Variants in APCDD1 observed in about 807,000 individuals in gnomAD.
The protein encoded by APCDD1 is APC down-regulated 1.
A neutral mutation model predicts 38.1 loss-of-function variants in APCDD1; 15 were observed. That is an observed-to-expected ratio of 0.39 (90% CI 0.26 to 0.61). The LOEUF is 0.61. Among genes scored for constraint, APCDD1 ranks in the 20% least tolerant of loss-of-function variants. The pLI, the probability that APCDD1 is intolerant of heterozygous loss-of-function variation, is 0.49. For synonymous variants in APCDD1, 261 were observed against 279.7 expected (o/e 0.93, Z 0.67); for missense variants, 647 against 696.2 (o/e 0.93, Z 0.79).
chr18:10,481,210 C>A (rs2031129119), intron 3 of APCDD1, among the ~76,000 whole-genome samples: 1 of 152,150 alleles, frequency 6.6e-6, no homozygotes, highest in African/African-American at 2.4e-5. Context: ...TGGGTACATA[C>A]CCAAAAGAAT....
At chr18:10,458,595 G>A (rs1191055835) in intron 1 of APCDD1, among the ~76,000 whole-genome samples, 1 of 152,156 alleles carries the variant, frequency 6.6e-6, no homozygotes, top group Non-Finnish European at 1.5e-5. Context: ...AGATTGACAA[G>A]CCAATTTCAT....
At position 10,487,790 on chromosome 18, in the gene APCDD1, G is replaced by A; in HGVS notation, c.1297G>A (p.Gly433Arg). 1 of 1,614,094 alleles carries A rather than the reference G, an allele frequency of 6.2e-7. No homozygotes were observed. The highest frequency in any genetic ancestry group is 8.5e-7 in the Non-Finnish European group (1 of 1,180,030). ...CTTCAAAATGGAACAGGATGCCCGG[G>A]GGCGCTATCTGCTGTTCAACGGTCA... ...EIFKMEQDAR[G>R]RYLLFNGQRP... Residue 433 changes from glycine to arginine, a missense_variant, in exon 5 of 5, where the codon GGG (glycine) becomes AGG (arginine). Physicochemically the swap from Gly to Arg is moderately radical, Grantham distance 125. Transcript: ENST00000355285.
Position 10,454,651 on chromosome 18 carries a change from T to TGCGGTG in APCDD1, c.-320_-315dup, listed in dbSNP as rs1379231113. ...TGGAAATATGAAGAGACGCTGCAGC[T>TGCGGTG]GCGGTGGCGGTGGCGGCCACTGCAG... On this transcript the variant is annotated 5_prime_UTR_variant, in exon 1 of 5. Coordinates refer to ENST00000355285, the MANE Select transcript of APCDD1 (RefSeq NM_153000.5). 1.9e-6 allele frequency: 2 copies of TGCGGTG among 1,038,880 alleles called. No homozygotes were observed. The highest frequency in any genetic ancestry group is 5.5e-5 in the Admixed American group (1 of 18,198). 64.4% of individuals were successfully genotyped at this position (1,038,880 alleles called of 1,614,324 possible).
At position 10,471,759 on chromosome 18, in the gene APCDD1, G is replaced by T. The variant is rs1388859867; in HGVS notation, c.472G>T (p.Ala158Ser). The stretch of plus-strand genomic sequence containing the variant: ...CGTCCAGGTGATCTGCCACACAGAG[G>T]CGGTGGCCGAGAAGCTCGGCCAGCA... ...HNVQVICHTE[A>S]VAEKLGQQVN... Residue 158 changes from alanine (A) to serine (S), a missense_variant, in exon 3 of 5, where the codon GCG becomes TCG. Ala to Ser is a moderately conservative substitution (Grantham distance 99). Coordinates refer to ENST00000355285, the MANE Select transcript of APCDD1 (RefSeq NM_153000.5). The surrounding 1 kb of genome is among the most constrained non-coding windows in gnomAD (Gnocchi z 5.5). 1 of 1,613,254 alleles carries T rather than the reference G, an allele frequency of 6.2e-7. No homozygotes were observed. Among genetic ancestry groups the T allele is most frequent in the South Asian group, 1.1e-5 (1 of 91,070 alleles).
chr18:10,463,789 G>C (rs2030631287), intron 1 of APCDD1, among the ~76,000 whole-genome samples: 1 of 152,092 alleles, frequency 6.6e-6, no homozygotes, highest in Non-Finnish European at 1.5e-5. Context: ...GAAGATGTTG[G>C]GTACTTTGAA....
At chr18:10,461,144 T>G (rs1217112052) in intron 1 of APCDD1, among the ~76,000 whole-genome samples, 1 of 152,184 alleles carries the variant, frequency 6.6e-6, no homozygotes, top group Non-Finnish European at 1.5e-5. Context: ...AATGTATTCC[T>G]TGGGAGTAAA....
intron 3 of APCDD1, among the ~76,000 whole-genome samples, chr18:10,484,334 A>G (rs1441765754): frequency 6.6e-6 from 1 of 152,212 alleles, no homozygotes; most frequent in Non-Finnish European, 1.5e-5. Context: ...CGTTTCCTAC[A>G]CAACTCCATT....
At chr18:10,473,839 T>G (rs1481836769) in intron 3 of APCDD1, among the ~76,000 whole-genome samples, 1 of 152,060 alleles carries the variant, frequency 6.6e-6, no homozygotes, top group Non-Finnish European at 1.5e-5. Flanking sequence ...ACTGGCCAGG[T>G]CCACTTGGTT....
At chr18:10,477,104 T>C (rs1310693979) in intron 3 of APCDD1, 1 of 152,304 alleles carries the variant, frequency 6.6e-6, no homozygotes, top group Non-Finnish European at 1.5e-5. Flanking sequence ...CTCTGGGGTA[T>C]AGAAGGAGCC....
rs2030977742 is a variant in APCDD1, at chr18:10,475,792, G to GT, written c.774+3731_774+3732insT. ...AGCCTAGCTGCCTCGCAAGATGGCT[G>GT]AGGGGGGGGGGGGTCAGTGGAAGGC... On this transcript the variant is annotated intron_variant, in intron 3 of 4. Transcript: ENST00000355285. This position sits in a 1 kb window ranked among gnomAD's most constrained non-coding sequence, Gnocchi z 4.0. The GT allele has an allele frequency of 2.5e-5, 3 of 118,256 alleles. No homozygotes were observed. The highest frequency in any genetic ancestry group is 7.9e-5 in the Admixed American group (1 of 12,636). The allele number at this position is 118,256 out of a possible 1,614,324, so 7.3% of individuals were successfully genotyped here.
In APCDD1 at chr18:10,455,008, C is replaced by G; in HGVS notation, c.27C>G (p.Leu9=). ...TGTCCTGGCCGCGCCGCCTCCTGCT[C>G]AGATACCTGTTCCCGGCCCTCCTGC... MSWPRRLL[L]RYLFPALLLH... The change falls in exon 1 of 5, where the codon CTC becomes CTG. Residue 9 remains leucine, a synonymous_variant. Coordinates refer to ENST00000355285, the MANE Select transcript of APCDD1 (RefSeq NM_153000.5). 1 of 1,564,064 alleles carries G rather than the reference C, an allele frequency of 6.4e-7. No homozygotes were observed. Among genetic ancestry groups the G allele is most frequent in the Non-Finnish European group, 8.7e-7 (1 of 1,154,500 alleles).
At position 10,485,950 on chromosome 18, in the gene APCDD1, C is replaced by T. The variant is rs529309679; in HGVS notation, c.1096+167C>T. Among the ~76,000 whole-genome samples the T allele has an allele frequency of 4.8e-4, 73 of 152,310 alleles. No individual in the cohort carries two copies. Among genetic ancestry groups the T allele is most frequent in the African/African-American group, 1.7e-3 (72 of 41,560 alleles). ...CTTCCCAACGCCCTCTGAGTTTCTC[C>T]CTGCTCAAAATGGATCAGGTGGACA... On this transcript the variant is annotated intron_variant, in intron 4 of 4. Coordinates refer to ENST00000355285, the MANE Select transcript of APCDD1 (RefSeq NM_153000.5). This position sits in a 1 kb window ranked among gnomAD's most constrained non-coding sequence, Gnocchi z 5.8.
rs1288316318 is a variant in APCDD1, at chr18:10,475,289, C to T, written c.774+3228C>T. Among the ~76,000 whole-genome samples the T allele has an allele frequency of 6.6e-6, 1 of 152,214 alleles. No individual in the cohort carries two copies. The highest frequency in any genetic ancestry group is 1.9e-4 in the East Asian group (1 of 5,196). ...TGCTCTGCTAAGGCAGTTGTGGGAACATTTACCCAGATTCTTAAGAAATAG... is the reference window on the plus strand; with the variant it reads ...TGCTCTGCTAAGGCAGTTGTGGGAATATTTACCCAGATTCTTAAGAAATAG... On this transcript the variant is annotated intron_variant, in intron 3 of 4. Transcript: ENST00000355285. This position sits in a 1 kb window ranked among gnomAD's most constrained non-coding sequence, Gnocchi z 4.0.
rs1200164594 is a variant in APCDD1 at position 10,485,960 on chromosome 18, A to G, written c.1096+177A>G. ...CCCTCTGAGTTTCTCCCTGCTCAAA[A>G]TGGATCAGGTGGACAGCCTCCACTT... On this transcript the variant is annotated intron_variant, in intron 4 of 4. Transcript: ENST00000355285. The surrounding 1 kb of genome is among the most constrained non-coding windows in gnomAD (Gnocchi z 5.8). 6.6e-6 allele frequency among the ~76,000 whole-genome samples: 1 copy of G among 152,192 alleles called. No homozygotes were observed. Among genetic ancestry groups the G allele is most frequent in the Non-Finnish European group, 1.5e-5 (1 of 68,032 alleles).
chr18:10,474,519 T>C (rs1311893469), intron 3 of APCDD1, among the ~76,000 whole-genome samples: 1 of 152,216 alleles, frequency 6.6e-6, no homozygotes, highest in African/African-American at 2.4e-5. Flanking sequence ...GGCTGTGGGC[T>C]CCGAACCCGA....
At chr18:10,484,586 C>T (rs1452974334) in intron 3 of APCDD1, among the ~76,000 whole-genome samples, 2 of 152,074 alleles carry the variant, frequency 1.3e-5, no homozygotes, top group Non-Finnish European at 2.9e-5. Flanking sequence ...TCCTTGTCCC[C>T]CCCTTCCAGC....
At chr18:10,478,631 C>T (rs1293279385) in intron 3 of APCDD1, among the ~76,000 whole-genome samples, 1 of 152,196 alleles carries the variant, frequency 6.6e-6, no homozygotes, top group Non-Finnish European at 1.5e-5. Flanking sequence ...TTCTTAAGGG[C>T]TGTACCCTCA....
rs566310523 is a variant in APCDD1 at position 10,487,508 on chromosome 18, G to C, written c.1097-82G>C. The C allele has an allele frequency of 6.6e-6, 9 of 1,373,058 alleles. No homozygotes were observed. In the African/African-American group the frequency reaches 8.5e-5, roughly 13 times the overall value. The allele number at this position is 1,373,058 out of a possible 1,614,324, so 85.1% of individuals were successfully genotyped here. On this transcript the variant is annotated intron_variant, in intron 4 of 4. Transcript: ENST00000355285. Reference sequence around the variant, plus strand: ...GAAAAGAAAGCCTTGTCTAGTTAGAGTGTGGCCAGTGTTTTCTGGGTGGGT... The same window carrying C: ...GAAAAGAAAGCCTTGTCTAGTTAGACTGTGGCCAGTGTTTTCTGGGTGGGT...
At chr18:10,460,852 A>G (rs2030523309) in intron 1 of APCDD1, among the ~76,000 whole-genome samples, 1 of 152,192 alleles carries the variant, frequency 6.6e-6, no homozygotes, top group Admixed American at 6.5e-5. Flanking sequence ...TGGCTCTAGC[A>G]GAAGTACTGT....
Sources: allele counts gnomAD v4.1 joint callset (sites outside exome capture counted in the v4.1 genomes callset), GRCh38; gene constraint gnomAD v4.1.1; non-coding constraint Gnocchi (gnomAD v3.1); transcripts MANE v1.5; gene names NCBI Gene and HGNC (gene_info 2026-07-23, HGNC 2026-07-21).